Variants in FOXN3 observed in about 807,000 individuals in gnomAD.
The protein encoded by FOXN3 is forkhead box N3.
FOXN3 carries 7 observed loss-of-function variants against 38.4 expected under a neutral mutation model. The observed-to-expected ratio is 0.18, with a 90% CI of 0.10 to 0.34. The LOEUF (loss-of-function observed/expected upper bound fraction) is 0.34, where lower values mean the gene tolerates loss of function less well. Among genes scored for constraint, FOXN3 ranks in the 10% least tolerant of loss-of-function variants. FOXN3 has a pLI of 1.00. For missense variants in FOXN3, 456 were observed against 613.4 expected (o/e 0.74, Z 2.71); for synonymous variants, 230 against 242.2 (o/e 0.95, Z 0.47).
intron 1 of FOXN3, among the ~76,000 whole-genome samples, chr14:89,552,522 C>T (rs1394262986): frequency 6.6e-6 from 1 of 152,158 alleles, no homozygotes; most frequent in East Asian, 1.9e-4. Context: ...TTGCAGGGGC[C>T]TGGAGGGTGT....
At chr14:89,542,796 T>C (rs1256843469) in intron 1 of FOXN3, among the ~76,000 whole-genome samples, 1 of 152,242 alleles carries the variant, frequency 6.6e-6, no homozygotes, top group East Asian at 1.9e-4. Flanking sequence ...AGATCTTCTT[T>C]TGTTTTACAA....
At chr14:89,181,833 C>T (rs751127024) in intron 4 of FOXN3, among the ~76,000 whole-genome samples, 7 of 152,208 alleles carry the variant, frequency 4.6e-5, no homozygotes, top group African/African-American at 1.2e-4. Context: ...ACCCTCCCTA[C>T]GTCTGAGGGG....
intron 1 of FOXN3, among the ~76,000 whole-genome samples, chr14:89,606,148 C>G (rs952381199): frequency 6.6e-6 from 1 of 151,824 alleles, no homozygotes; most frequent in African/African-American, 2.4e-5. Context: ...ATGTTAAAAC[C>G]GAGATGAAGT....
intron 5 of FOXN3, among the ~76,000 whole-genome samples, chr14:89,173,730 C>T (rs1887448755): frequency 6.6e-6 from 1 of 152,194 alleles, no homozygotes; most frequent in East Asian, 1.9e-4. Context: ...GTGGCTCACA[C>T]CTGTAATCCT....
In FOXN3 at chr14:89,556,929, C is replaced by T. The variant is rs565051386; in HGVS notation, c.-15+62099G>A. 3.3e-5 allele frequency among the ~76,000 whole-genome samples: 5 copies of T among 152,274 alleles called. No individual in the cohort carries two copies. The South Asian group carries it at 6.2e-4, about 19-fold the overall frequency. The stretch of plus-strand genomic sequence containing the variant: ...AAGGTATGGATGATGGGGGCAAAAA[C>T]AGAAAGAGGCAAAACACAATCAGAG... On this transcript the variant is annotated intron_variant, in intron 1 of 6. Transcript: ENST00000345097.
intron 1 of FOXN3, among the ~76,000 whole-genome samples, chr14:89,515,564 C>A (rs1894183442): frequency 6.6e-6 from 1 of 151,882 alleles, no homozygotes; most frequent in African/African-American, 2.4e-5. Context: ...GGTGAAACCT[C>A]ATCTCTACTA....
chr14:89,344,939 G>C (rs917158115), intron 3 of FOXN3, among the ~76,000 whole-genome samples: 1 of 152,138 alleles, frequency 6.6e-6, no homozygotes, highest in East Asian at 1.9e-4. Flanking sequence ...CTTTTCCGAA[G>C]AGGTACGGGC....
intron 2 of FOXN3, among the ~76,000 whole-genome samples, chr14:89,361,342 C>T (rs1411389037): frequency 3.3e-5 from 1 of 30,078 alleles, no homozygotes; most frequent in African/African-American, 1.1e-4. Flanking sequence ...ACCACCACCA[C>T]CTCCAGCACC....
intron 2 of FOXN3, among the ~76,000 whole-genome samples, chr14:89,406,737 G>A (rs1180188034): frequency 1.3e-5 from 2 of 151,352 alleles, no homozygotes; most frequent in Admixed American, 6.6e-5. Context: ...TAAACCCTTT[G>A]ATGACAATGT....
intron 2 of FOXN3, among the ~76,000 whole-genome samples, chr14:89,383,824 C>G (rs898382745): frequency 6.7e-6 from 1 of 149,580 alleles, no homozygotes; most frequent in Admixed American, 6.6e-5. Context: ...GAGTCTTGCT[C>G]TGTCGCCCAG....
chr14:89,514,767 C>A (rs767190140), intron 1 of FOXN3, among the ~76,000 whole-genome samples: 12 of 152,190 alleles, frequency 7.9e-5, no homozygotes, highest in Non-Finnish European at 1.8e-4. Flanking sequence ...TGCCATTCTA[C>A]CAGCTTCCCT....
At chr14:89,259,326 T>G (rs1292018007) in intron 4 of FOXN3, among the ~76,000 whole-genome samples, 1 of 152,222 alleles carries the variant, frequency 6.6e-6, no homozygotes, top group Non-Finnish European at 1.5e-5. Flanking sequence ...TGTGTTTCTC[T>G]TGGGTAATGA....
chr14:89,426,959 C>T (rs934568468), intron 1 of FOXN3, among the ~76,000 whole-genome samples: 17 of 151,962 alleles, frequency 1.1e-4, no homozygotes, highest in Non-Finnish European at 1.9e-4. Context: ...GGGCCGGGCG[C>T]GGTGGCTCAC....
At chr14:89,470,250 A>T (rs1227769792) in intron 1 of FOXN3, among the ~76,000 whole-genome samples, 1 of 151,890 alleles carries the variant, frequency 6.6e-6, no homozygotes, top group Non-Finnish European at 1.5e-5. Flanking sequence ...GGCTATTTTG[A>T]AGGGAATCAA....
At chr14:89,309,689 T>G (rs1483764341) in intron 3 of FOXN3, among the ~76,000 whole-genome samples, 2 of 152,186 alleles carry the variant, frequency 1.3e-5, no homozygotes, top group Non-Finnish European at 2.9e-5. Context: ...GCCCGGCCTC[T>G]ACAGCAGATT....
At chr14:89,489,099 G>A (rs1893516576) in intron 1 of FOXN3, among the ~76,000 whole-genome samples, 1 of 152,124 alleles carries the variant, frequency 6.6e-6, no homozygotes, top group Non-Finnish European at 1.5e-5. Flanking sequence ...TTGAAATGAA[G>A]CCGGATTCAG....
chr14:89,498,830 T>C lies in FOXN3; in HGVS notation c.-14-86340A>G, dbSNP rs559393876. Among the ~76,000 whole-genome samples the C allele has an allele frequency of 2.9e-4, 17 of 57,834 alleles. No homozygotes were observed. The South Asian group carries it at 8.9e-3, about 30-fold the overall frequency. 37.9% of individuals were successfully genotyped at this position (57,834 alleles called of 152,430 possible). ...TGGTGGGTGGGCTGCACACAGAGGGTGGGGGGAACTGGGTGCTTTATAAGG... is the reference window on the plus strand; with the variant it reads ...TGGTGGGTGGGCTGCACACAGAGGGCGGGGGGAACTGGGTGCTTTATAAGG... On this transcript the variant is annotated intron_variant, in intron 1 of 6. Coordinates refer to the FOXN3 transcript ENST00000345097.
intron 1 of FOXN3, among the ~76,000 whole-genome samples, chr14:89,507,218 A>G (rs144505137): frequency 6.6e-6 from 1 of 152,324 alleles, no homozygotes; most frequent in East Asian, 1.9e-4. Flanking sequence ...CAATCAGTTT[A>G]GCTTAGAAAG....
At chr14:89,612,577 C>A (rs1382455311) in intron 1 of FOXN3, among the ~76,000 whole-genome samples, 1 of 151,534 alleles carries the variant, frequency 6.6e-6, no homozygotes. Context: ...AGGAGGATTG[C>A]TTGAGCTCAG....
Sources: allele counts gnomAD v4.1 joint callset (sites outside exome capture counted in the v4.1 genomes callset), GRCh38; gene constraint gnomAD v4.1.1; transcripts MANE v1.5; gene names NCBI Gene and HGNC (gene_info 2026-07-23, HGNC 2026-07-21).